MYO16: variants seen among roughly 807,000 people sequenced by gnomAD.
MYO16 encodes myosin XVI.
MYO16 carries 94 observed loss-of-function variants against 205.3 expected under a neutral mutation model. That is an observed-to-expected ratio of 0.46 (90% CI 0.39 to 0.54). The LOEUF is 0.54. MYO16 is among the 20% of genes least tolerant of loss of function. The probability of loss-of-function intolerance (pLI) is 0.00; values close to 1 mark genes in which losing one functional copy is unlikely to be tolerated. For synonymous variants in MYO16, 988 were observed against 954.0 expected, an observed-to-expected ratio of 1.04 and a Z score of -0.66; for missense variants, 2,315 against 2,387.5, an observed-to-expected ratio of 0.97 and a Z score of 0.63.
chr13:108,927,501 C>A (rs1331696204), intron 16 of MYO16, among the ~76,000 whole-genome samples: 1 of 152,132 alleles, frequency 6.6e-6, no homozygotes, highest in African/African-American at 2.4e-5. Context: ...GCAGTGGGAG[C>A]CACCCTTCTA....
the MYO16 span, among the ~76,000 whole-genome samples, chr13:108,520,395 T>G: frequency 4.3e-4 from 65 of 152,276 alleles, 1 homozygote; most frequent in South Asian, 0.013. Context: ...AAAATCCAAT[T>G]TATGTGTGAT....
upstream of MYO16, among the ~76,000 whole-genome samples, chr13:108,594,255 C>T (rs191923577): frequency 6.6e-6 from 1 of 152,268 alleles, no homozygotes; most frequent in Non-Finnish European, 1.5e-5. Flanking sequence ...CCTTGAACAC[C>T]CTCTAAAATT....
rs1880625822 is a variant in MYO16 at position 109,206,986 on chromosome 13, CCG to C, written c.*151_*152del. On this transcript the variant is annotated 3_prime_UTR_variant, in exon 35 of 35. Transcript: ENST00000457511. ...ACACAGACACTAAATATATGAGATCCCGTGTGTGTGTGTGTGTGTTTGTGTGT... is the reference window on the plus strand; with the variant it reads ...ACACAGACACTAAATATATGAGATCCTGTGTGTGTGTGTGTGTTTGTGTGT... The C allele has an allele frequency of 8.1e-6, 5 of 617,778 alleles. No individual in the cohort carries two copies. The highest frequency in any genetic ancestry group is 2.0e-5 in the South Asian group (1 of 50,896). 38.3% of individuals were successfully genotyped at this position (617,778 alleles called of 1,614,324 possible). A position where few individuals can be genotyped will look rare whatever the true frequency, so the allele number is the denominator to read the frequency against.
At chr13:108,778,646 A>G (rs936387293) in intron 4 of MYO16, among the ~76,000 whole-genome samples, 1 of 152,066 alleles carries the variant, frequency 6.6e-6, no homozygotes, top group Non-Finnish European at 1.5e-5. Flanking sequence ...TTTCTGTTTC[A>G]CTGGAGTCTA....
intron 28 of MYO16, among the ~76,000 whole-genome samples, chr13:109,109,064 C>G (rs925448290): frequency 3.3e-5 from 5 of 152,128 alleles, no homozygotes; most frequent in African/African-American, 1.2e-4. Flanking sequence ...GCTATTACAA[C>G]AGTTTCTGAC....
In MYO16 at chr13:108,970,750, G is replaced by C. The variant is rs576847148; in HGVS notation, c.2369+5848G>C. ...AATCCTCAAGACGTGTGAAATGCAT[G>C]TGTGTGTGCTGGTTGCTCCCACCCC... On this transcript the variant is annotated intron_variant, in intron 20 of 34. Transcript: ENST00000457511. Among the ~76,000 whole-genome samples, 3 of 152,298 alleles carry C rather than the reference G, an allele frequency of 2.0e-5. No homozygotes were observed. In the South Asian group the frequency reaches 6.2e-4, roughly 32 times the overall value.
intron 14 of MYO16, among the ~76,000 whole-genome samples, chr13:108,891,498 C>A (rs1880170669): frequency 6.6e-6 from 1 of 152,204 alleles, no homozygotes; most frequent in South Asian, 2.1e-4. Context: ...AATCAATATT[C>A]TATGTGTAAC....
chr13:109,117,851 TA>T (rs1875800613), intron 28 of MYO16, among the ~76,000 whole-genome samples: 1 of 152,142 alleles, frequency 6.6e-6, no homozygotes, highest in Admixed American at 6.5e-5. Context: ...TTTCAAGAAA[TA>T]TTTTTTTTAA....
At chr13:108,591,763 T>C (rs1432013522), upstream of MYO16, among the ~76,000 whole-genome samples, 1 of 152,174 alleles carries the variant, frequency 6.6e-6, no homozygotes, top group Non-Finnish European at 1.5e-5. Context: ...AAGTTTCAAA[T>C]AAAAAGAAGT....
At chr13:108,594,946 C>G (rs1400392862), upstream of MYO16, among the ~76,000 whole-genome samples, 1 of 152,152 alleles carries the variant, frequency 6.6e-6, no homozygotes, top group Non-Finnish European at 1.5e-5. Flanking sequence ...AATTTTTTGC[C>G]TCTTTATCAT....
At chr13:108,848,390 G>A (rs1475140) in intron 10 of MYO16, among the ~76,000 whole-genome samples, 32,647 of 152,126 alleles carry the variant, frequency 0.21, 3,959 homozygotes, top group African/African-American at 0.31. Flanking sequence ...TTAGAAATGC[G>A]TTCACCTGCA....
chr13:109,172,886 T>G (rs183098956), intron 33 of MYO16, among the ~76,000 whole-genome samples: 338 of 152,298 alleles, frequency 2.2e-3, no homozygotes, highest in Non-Finnish European at 3.4e-3. Flanking sequence ...GAGGCTGTAA[T>G]AGTAGATCAG....
intron 2 of MYO16, among the ~76,000 whole-genome samples, chr13:108,692,930 A>G (rs1882955227): frequency 6.6e-6 from 1 of 152,258 alleles, no homozygotes; most frequent in Admixed American, 6.5e-5. Context: ...AGAAACCATA[A>G]CAATGAACTT....
intron 27 of MYO16, among the ~76,000 whole-genome samples, chr13:109,061,815 C>G (rs1431271): frequency 0.5 from 75,273 of 152,006 alleles, 18,661 homozygotes; most frequent in Middle Eastern, 0.55. Context: ...GTCTGCAACA[C>G]CACAACAAAA....
intron 32 of MYO16, among the ~76,000 whole-genome samples, chr13:109,156,954 A>C (rs1878078620): frequency 6.6e-6 from 1 of 152,140 alleles, no homozygotes; most frequent in East Asian, 1.9e-4. Context: ...TTCTTCAAAA[A>C]ATTGCCACTC....
the MYO16 span, among the ~76,000 whole-genome samples, chr13:108,523,664 C>A: frequency 6.6e-6 from 1 of 152,174 alleles, no homozygotes; most frequent in Admixed American, 6.5e-5. Context: ...GGTCTCAGCT[C>A]TGGAAGACTT....
intron 1 of MYO16, among the ~76,000 whole-genome samples, chr13:108,622,600 G>A (rs1879586240): frequency 6.6e-6 from 1 of 151,076 alleles, no homozygotes; most frequent in Non-Finnish European, 1.5e-5. Flanking sequence ...TGTGAAGTAT[G>A]GAGAGAGAGA....
chr13:108,598,864 T>C (rs1878657045), intron 1 of MYO16, among the ~76,000 whole-genome samples: 1 of 151,930 alleles, frequency 6.6e-6, no homozygotes, highest in Admixed American at 6.6e-5. Flanking sequence ...TTTTTTATTA[T>C]ACTTTAAGTT....
chr13:109,077,543 C>T (rs9521162), intron 27 of MYO16, among the ~76,000 whole-genome samples: 85,640 of 151,554 alleles, frequency 0.57, 24,330 homozygotes, highest in Non-Finnish European at 0.6. Context: ...GTGCTGTACA[C>T]TCTCACGTCA....
Sources: allele counts gnomAD v4.1 joint callset (sites outside exome capture counted in the v4.1 genomes callset), GRCh38; gene constraint gnomAD v4.1.1; transcripts MANE v1.5; gene names NCBI Gene and HGNC (gene_info 2026-07-23, HGNC 2026-07-21).